The following MAN1A2 variants were observed in gnomAD, a reference collection of about 807,000 sequenced individuals.
MAN1A2 encodes the protein mannosyl-oligosaccharide 1,2-alpha-mannosidase IB.
In MAN1A2, 26 loss-of-function variants were observed where a neutral mutation model predicts 75.7. The ratio of observed to expected loss-of-function variants is 0.34; its 90% CI spans 0.25 to 0.48. The LOEUF (loss-of-function observed/expected upper bound fraction) is 0.48, where lower values mean the gene tolerates loss of function less well. Among genes scored for constraint, MAN1A2 ranks in the 20% least tolerant of loss-of-function variants. The probability of loss-of-function intolerance (pLI) is 0.99; values close to 1 mark genes in which losing one functional copy is unlikely to be tolerated. For synonymous variants in MAN1A2, 247 were observed against 264.6 expected, an observed-to-expected ratio of 0.93 and a Z score of 0.65; for missense variants, 562 against 775.5, an observed-to-expected ratio of 0.72 and a Z score of 3.27.
chr1:117,452,176 G>A (rs1290258460), intron 6 of MAN1A2, among the ~76,000 whole-genome samples: 8 of 151,924 alleles, frequency 5.3e-5, no homozygotes. Flanking sequence ...GCATGGTGGT[G>A]CATGCCTGTA....
intron 5 of MAN1A2, among the ~76,000 whole-genome samples, chr1:117,424,816 G>A (rs1648312713): frequency 6.6e-6 from 1 of 152,132 alleles, no homozygotes; most frequent in South Asian, 2.1e-4. Context: ...GGGAAGGATG[G>A]AATGTTCATT....
At chr1:117,466,265 C>A in intron 7 of MAN1A2, 69 bp from the exon 8 acceptor site, 1 of 988,566 alleles carries the variant, frequency 1.0e-6, no homozygotes, top group Non-Finnish European at 1.5e-6. Flanking sequence ...AAACACAAAG[C>A]CTACATTAAA....
intron 5 of MAN1A2, among the ~76,000 whole-genome samples, chr1:117,437,537 A>G (rs1192022281): frequency 6.6e-6 from 1 of 152,132 alleles, no homozygotes; most frequent in African/African-American, 2.4e-5. Flanking sequence ...AGATAATGCA[A>G]GGTGTAGGAG....
At chr1:117,471,068 A>G (rs1650138834) in intron 8 of MAN1A2, among the ~76,000 whole-genome samples, 1 of 151,744 alleles carries the variant, frequency 6.6e-6, no homozygotes, top group Non-Finnish European at 1.5e-5. Context: ...TCTAAGCACA[A>G]TACTTAGCCT....
At chr1:117,494,044 A>G (rs1198795690) in intron 9 of MAN1A2, 1 of 152,030 alleles carries the variant, frequency 6.6e-6, no homozygotes, top group Non-Finnish European at 1.5e-5. Flanking sequence ...AGATCATTTA[A>G]TCATTATCAC....
chr1:117,506,386 C>T (rs1023306226), intron 12 of MAN1A2, among the ~76,000 whole-genome samples: 3 of 151,496 alleles, frequency 2.0e-5, no homozygotes, highest in East Asian at 3.9e-4. Flanking sequence ...AGGTGCTATA[C>T]CATGGAGTAG....
At chr1:117,407,659 G>A (rs959898704) in intron 3 of MAN1A2, among the ~76,000 whole-genome samples, 1 of 152,196 alleles carries the variant, frequency 6.6e-6, no homozygotes, top group South Asian at 2.1e-4. Flanking sequence ...TGGCATCAGA[G>A]TCCTCTTTAC....
chr1:117,456,464 G>T (rs1649584430), intron 6 of MAN1A2, among the ~76,000 whole-genome samples: 1 of 151,672 alleles, frequency 6.6e-6, no homozygotes, highest in South Asian at 2.1e-4. Context: ...TTATTTTATT[G>T]GGTATCCTGT....
chr1:117,391,456 T>C (rs1653716266), intron 1 of MAN1A2, among the ~76,000 whole-genome samples: 1 of 152,218 alleles, frequency 6.6e-6, no homozygotes, highest in African/African-American at 2.4e-5. Flanking sequence ...TCAGGTATTT[T>C]GAAATTTTGT....
At chr1:117,395,927 C>T (rs2101745863) in intron 1 of MAN1A2, among the ~76,000 whole-genome samples, 1 of 152,316 alleles carries the variant, frequency 6.6e-6, no homozygotes, top group African/African-American at 2.4e-5. Flanking sequence ...GGAAGAAACA[C>T]ATAGGGTGAA....
Position 117,402,364 on chromosome 1 carries a change from A to G in MAN1A2, c.481A>G (p.Ile161Val), listed in dbSNP as rs372754010. 26 of 1,613,704 alleles carry G rather than the reference A, an allele frequency of 1.6e-5. No homozygotes were observed. The highest frequency in any genetic ancestry group is 2.7e-5 in the African/African-American group (2 of 74,918). Reference sequence around the variant, plus strand: ...GAACAAGCCACTGCCACCAGTCCCTATTCCCAACCTTGTAGGAATACGTGG... The same window carrying G: ...GAACAAGCCACTGCCACCAGTCCCTGTTCCCAACCTTGTAGGAATACGTGG... ...KENKPLPPVPIPNLVGIRGGD... is the reference protein window; with the variant it reads ...KENKPLPPVPVPNLVGIRGGD... The change falls in exon 2 of 13, where the codon ATT becomes GTT. Residue 161 changes from isoleucine (I) to valine (V), a missense_variant. This residue lies in a region of MAN1A2 where 434 missense variants were observed against 645.7 expected (regional missense o/e 0.67). Coordinates refer to ENST00000356554, the MANE Select transcript of MAN1A2 (RefSeq NM_006699.5).
chr1:117,394,812 A>G (rs1653855960), intron 1 of MAN1A2, among the ~76,000 whole-genome samples: 1 of 152,218 alleles, frequency 6.6e-6, no homozygotes, highest in South Asian at 2.1e-4. Context: ...TTGAAAAAGT[A>G]AAGTGAAGGA....
chr1:117,429,152 A>G (rs369633994), intron 5 of MAN1A2, among the ~76,000 whole-genome samples: 5,298 of 101,114 alleles, frequency 0.052, no homozygotes, highest in Admixed American at 0.082. Flanking sequence ...CCCAAGGCAG[A>G]GGAATTTTTC....
chr1:117,512,165 A>T (rs1430245670), intron 12 of MAN1A2, among the ~76,000 whole-genome samples: 2 of 152,148 alleles, frequency 1.3e-5, no homozygotes, highest in South Asian at 4.1e-4. Flanking sequence ...CAAAGAATTG[A>T]TAAAGCAAGA....
chr1:117,488,295 A>C (rs1042929538), intron 8 of MAN1A2, among the ~76,000 whole-genome samples: 4 of 151,412 alleles, frequency 2.6e-5, no homozygotes, highest in Non-Finnish European at 5.9e-5. Context: ...TCCTGGGTTC[A>C]AGGTATTCTC....
intron 5 of MAN1A2, among the ~76,000 whole-genome samples, chr1:117,428,374 CA>C (rs1351075621): frequency 6.6e-6 from 1 of 151,924 alleles, no homozygotes; most frequent in Admixed American, 6.6e-5. Flanking sequence ...CTTGGCCTCC[CA>C]AAGTGCTGGG....
At chr1:117,480,479 G>A (rs914465021) in intron 8 of MAN1A2, among the ~76,000 whole-genome samples, 12 of 151,484 alleles carry the variant, frequency 7.9e-5, no homozygotes, top group Non-Finnish European at 1.0e-4. Flanking sequence ...CAAAGTTTTT[G>A]GTTGTTTTAG....
At chr1:117,495,357 A>G (rs947304628) in intron 9 of MAN1A2, among the ~76,000 whole-genome samples, 38 of 151,898 alleles carry the variant, frequency 2.5e-4, no homozygotes, top group Admixed American at 1.3e-4. Context: ...ATTTTCAAAA[A>G]CTATTCTATT....
chr1:117,402,271 A>G lies in MAN1A2; in HGVS notation c.388A>G (p.Arg130Gly), dbSNP rs1204420165. Reference protein sequence around the residue: ...EEAKEKLRKSREEIRAEIQTE... With the variant: ...EEAKEKLRKSGEEIRAEIQTE... ...AGCAAAAGAAAAATTAAGAAAGTCA[A>G]GAGAGGAAATTCGAGCAGAAATTCA... is the stretch of plus-strand genomic sequence containing the variant. Residue 130 changes from arginine (R) to glycine (G), a missense_variant, in exon 2 of 13, where the codon AGA becomes GGA. Arg to Gly is a moderately radical substitution (Grantham distance 125). This residue lies in a region of MAN1A2 where 434 missense variants were observed against 645.7 expected (regional missense o/e 0.67). Coordinates refer to ENST00000356554, the MANE Select transcript of MAN1A2 (RefSeq NM_006699.5). 2.5e-6 allele frequency: 4 copies of G among 1,613,908 alleles called. No homozygotes were observed. The highest frequency in any genetic ancestry group is 3.4e-6 in the Non-Finnish European group (4 of 1,179,832).
Sources: allele counts gnomAD v4.1 joint callset (sites outside exome capture counted in the v4.1 genomes callset), GRCh38; gene constraint gnomAD v4.1.1; regional missense constraint gnomAD v4.1.1; transcripts MANE v1.5; gene names NCBI Gene and HGNC (gene_info 2026-07-23, HGNC 2026-07-21).